ANKRD35: variants seen among roughly 807,000 people sequenced by gnomAD.
ANKRD35 encodes the protein ankyrin repeat domain 35.
Under a neutral mutation model 109.9 loss-of-function variants are expected in ANKRD35, and 102 were observed. The observed-to-expected ratio is 0.93, with a 90% CI of 0.79 to 1.09. The LOEUF is 1.09. Among genes scored for constraint, ANKRD35 ranks in the 50% least tolerant of loss-of-function variants. The pLI is 0.00. For synonymous variants in ANKRD35, 515 were observed against 512.4 expected, an observed-to-expected ratio of 1.01 and a Z score of -0.07; for missense variants, 1,240 against 1,230.1, an observed-to-expected ratio of 1.01 and a Z score of -0.12.
intron 1 of ANKRD35, among the ~76,000 whole-genome samples, chr1:145,885,492 A>G (rs587686635): frequency 4.6e-5 from 7 of 151,098 alleles, no homozygotes; most frequent in Admixed American, 4.6e-4. Flanking sequence ...AGGACAAGAA[A>G]GGGGCCGGGG....
rs146033160 is a variant in ANKRD35, at chr1:145,871,121, T to TTTTCTTTCTTTCTTTCTTTCTTTC, written c.2787+860_2787+861insGAAAGAAAGAAAGAAAGAAAGAAA. ...TATCTAATAGTGGTTTTCAAGCTTT[T>TTTTCTTTCTTTCTTTCTTTCTTTC]TTTCTTTCTTTCTTTCTTTCTTTTC... On this transcript the variant is annotated intron_variant, in intron 10 of 13. Transcript: ENST00000355594. Among the ~76,000 whole-genome samples the TTTTCTTTCTTTCTTTCTTTCTTTC allele has an allele frequency of 1.2e-4, 13 of 112,452 alleles. No individual in the cohort carries two copies. The East Asian group carries it at 2.1e-3, about 18-fold the overall frequency. The allele number at this position is 112,452 out of a possible 152,430, so 73.8% of individuals were successfully genotyped here.
intron 8 of ANKRD35, 98 bp downstream of exon 8, chr1:145,874,724 A>G: frequency 2.2e-6 from 3 of 1,371,262 alleles, no homozygotes. Flanking sequence ...CCCAGGTGAC[A>G]ATTATTTGTC....
Position 145,867,399 on chromosome 1 carries a change from A to T in ANKRD35, c.2944-7T>A. The T allele has an allele frequency of 6.2e-7, 1 of 1,613,424 alleles. No homozygotes were observed. The highest frequency in any genetic ancestry group is 8.5e-7 in the Non-Finnish European group (1 of 1,179,516). The stretch of plus-strand genomic sequence containing the variant: ...CTTCATGTTCCATGTAACCCTGTAG[A>T]TGTCAGGAAAGGAAGAAAAGGAGAT... On this transcript the variant is annotated splice_polypyrimidine_tract_variant and splice_region_variant and intron_variant, in intron 12 of 13. Coordinates refer to ENST00000355594, the MANE Select transcript of ANKRD35 (RefSeq NM_144698.5).
Position 145,872,018 on chromosome 1 carries a change from C to T in ANKRD35, c.2751G>A (p.Glu917=). 1.2e-6 allele frequency: 2 copies of T among 1,612,986 alleles called. No homozygotes were observed. The highest frequency in any genetic ancestry group is 4.5e-5 in the East Asian group (2 of 44,878). The change falls in exon 10 of 14, where the codon GAG becomes GAA. Residue 917 remains glutamate, a synonymous_variant. Transcript: ENST00000355594. ...KTAELLKEKM[E]HLIGACRDKE... The stretch of plus-strand genomic sequence containing the variant: ...TGTCTCGGCAAGCCCCAATGAGATG[C>T]TCCATCTTCTCTTTCAGCAGCTCTG...
In ANKRD35 at chr1:145,873,325, G is replaced by C; in HGVS notation, c.1444C>G (p.Pro482Ala). The change falls in exon 10 of 14, where the codon CCA becomes GCA. Residue 482 changes from proline to alanine, a missense_variant. Pro to Ala is a conservative substitution (Grantham distance 27, BLOSUM62 -1). Coordinates refer to ENST00000355594, the MANE Select transcript of ANKRD35 (RefSeq NM_144698.5). ...GVEPGGTVAE[P>A]VGPAAMNQLL... is the part of the protein sequence containing the mutation. ...TGGTTCATGGCTGCTGGGCCCACTG[G>C]TTCAGCCACTGTGCCTCCTGGTTCA... The C allele has an allele frequency of 1.2e-6, 2 of 1,614,164 alleles. No homozygotes were observed. Among genetic ancestry groups the C allele is most frequent in the Non-Finnish European group, 1.7e-6 (2 of 1,180,016 alleles).
At chr1:145,871,835 A>AGTGT (rs1331050142) in intron 10 of ANKRD35, 147 bp downstream of exon 10, 5 of 993,502 alleles carry the variant, frequency 5.0e-6, no homozygotes, top group Non-Finnish European at 7.3e-6. Context: ...AGAACATAGT[A>AGTGT]GTGTGGTCCC....
Position 145,880,522 on chromosome 1 carries a change from C to T in ANKRD35, c.40-1134G>A, listed in dbSNP as rs587603687. Reference sequence around the variant, plus strand: ...CATCATGCTGTGACTATTAAACAAGCTAATATATACAAAATCTCTTTATAA... The same window carrying T: ...CATCATGCTGTGACTATTAAACAAGTTAATATATACAAAATCTCTTTATAA... On this transcript the variant is annotated intron_variant, in intron 1 of 13. Transcript: ENST00000355594. Among the ~76,000 whole-genome samples, 3 of 152,144 alleles carry T rather than the reference C, an allele frequency of 2.0e-5. No individual in the cohort carries two copies. In the East Asian group the frequency reaches 5.8e-4, roughly 29 times the overall value.
rs191494576 is a variant in ANKRD35, at chr1:145,880,479, G to A, written c.40-1091C>T. On this transcript the variant is annotated intron_variant, in intron 1 of 13. Coordinates refer to ENST00000355594, the MANE Select transcript of ANKRD35 (RefSeq NM_144698.5). Reference sequence around the variant, plus strand: ...ACCTGTTTCCTCTTCTATAAAATACGGCTAATAACAACTACCTCATCATGC... The same window carrying A: ...ACCTGTTTCCTCTTCTATAAAATACAGCTAATAACAACTACCTCATCATGC... 1.7e-3 allele frequency among the ~76,000 whole-genome samples: 262 copies of A among 152,124 alleles called. 2 individuals are homozygous for A. The highest frequency in any genetic ancestry group is 1.4e-3 in the Non-Finnish European group (93 of 67,984).
At chr1:145,882,206 G>A (rs1217735329) in intron 1 of ANKRD35, among the ~76,000 whole-genome samples, 1 of 151,322 alleles carries the variant, frequency 6.6e-6, no homozygotes, top group East Asian at 1.9e-4. Flanking sequence ...TGCCCTCCTC[G>A]GCCTCCCAAA....
At chr1:145,884,051 C>T (rs1336456814) in intron 1 of ANKRD35, among the ~76,000 whole-genome samples, 1 of 152,132 alleles carries the variant, frequency 6.6e-6, no homozygotes, top group Non-Finnish European at 1.5e-5. Context: ...AGCCAGCCCA[C>T]TCATTCCAGC....
At chr1:145,875,306 C>A (rs993728530) in intron 7 of ANKRD35, among the ~76,000 whole-genome samples, 1 of 150,640 alleles carries the variant, frequency 6.6e-6, no homozygotes, top group African/African-American at 2.4e-5. Context: ...CCACCACACC[C>A]GGCTAATTTT....
At chr1:145,868,118 A>G in intron 11 of ANKRD35, 62 bp from the exon 12 acceptor site, 1 of 1,568,434 alleles carries the variant, frequency 6.4e-7, no homozygotes, top group Non-Finnish European at 8.8e-7. Context: ...CATGAGGAGC[A>G]ACACAATGAA....
At position 145,868,335 on chromosome 1, in the gene ANKRD35, A is replaced by G. The variant is rs782184394; in HGVS notation, c.2853T>C (p.Asn951=). 6.2e-7 allele frequency: 1 copy of G among 1,613,968 alleles called. No homozygotes were observed. The highest frequency in any genetic ancestry group is 1.3e-5 in the African/African-American group (1 of 74,882). The change falls in exon 11 of 14, where the codon AAT becomes AAC. Residue 951 remains asparagine, a synonymous_variant. Transcript: ENST00000355594. ...SEEVLAIRGE[N]ARLALQLQDS... The stretch of plus-strand genomic sequence containing the variant: ...CCTGCAGCTGCAGGGCAAGGCGAGC[A>G]TTTTCTCCCCGAATTGCTAGAACCT...
chr1:145,869,185 T>G (rs1234901050), intron 10 of ANKRD35, among the ~76,000 whole-genome samples: 6 of 152,046 alleles, frequency 3.9e-5, no homozygotes, highest in Non-Finnish European at 5.9e-5. Flanking sequence ...TTTTGTTTTT[T>G]TTTGTTTGTT....
At chr1:145,882,336 G>A (rs58553785) in intron 1 of ANKRD35, among the ~76,000 whole-genome samples, 404 of 88,144 alleles carry the variant, frequency 4.6e-3, no homozygotes, top group African/African-American at 0.017. Flanking sequence ...TTGCTTTGTT[G>A]CCCAGGCTGA....
intron 11 of ANKRD35, 24 bp downstream of exon 11, chr1:145,868,287 C>G: frequency 6.2e-7 from 1 of 1,612,630 alleles, no homozygotes. Context: ...TTCTCCAGCA[C>G]CATCCCTGAC....
intron 2 of ANKRD35, 29 bp from the exon 3 acceptor site, chr1:145,878,508 G>A (rs1553740561): frequency 4.5e-6 from 7 of 1,546,670 alleles, no homozygotes; most frequent in Admixed American, 1.9e-5. Flanking sequence ...AGAGGCCAAA[G>A]GATAAAGGGA....
In ANKRD35 at chr1:145,867,884, A is replaced by G. The variant is rs1406693954; in HGVS notation, c.2943+107T>C. 4 of 1,089,160 alleles carry G rather than the reference A, an allele frequency of 3.7e-6. No individual in the cohort carries two copies. The East Asian group carries it at 9.5e-5, about 26-fold the overall frequency. 67.5% of individuals were successfully genotyped at this position (1,089,160 alleles called of 1,614,324 possible). A position where few individuals can be genotyped will look rare whatever the true frequency, so the allele number is the denominator to read the frequency against. On this transcript the variant is annotated intron_variant, in intron 12 of 13. Transcript: ENST00000355594. ...TAGCACTGGATCCAGCTTTCCGAGA[A>G]ACAGCAAGTGTGTACAGGGACCCTG...
In ANKRD35 at chr1:145,874,969, C is replaced by A; in HGVS notation, c.598G>T (p.Glu200Ter). 1 of 1,611,910 alleles carries A rather than the reference C, an allele frequency of 6.2e-7. No homozygotes were observed. Among genetic ancestry groups the A allele is most frequent in the Non-Finnish European group, 8.5e-7 (1 of 1,179,106 alleles). ...TGGCTCAGGAGCAGTTCAGCCACCT[C>A]GGCACTGCCTTTCTCACAGGCCAGG... The part of the protein sequence containing the change: ...LILACEKGSA[E>*]VAELLLSHGA... The change falls in exon 8 of 14, where the codon GAG becomes TAG. Residue 200 changes from glutamate (E) to a stop codon, truncating the protein, a stop_gained. Transcript: ENST00000355594. LOFTEE classifies it high-confidence loss of function.
Sources: allele counts gnomAD v4.1 joint callset (sites outside exome capture counted in the v4.1 genomes callset), GRCh38; gene constraint gnomAD v4.1.1; transcripts MANE v1.5; gene names NCBI Gene and HGNC (gene_info 2026-07-23, HGNC 2026-07-21).